LAMA2: variants seen among roughly 807,000 people sequenced by gnomAD.
LAMA2 encodes the protein laminin subunit alpha-2.
Under a neutral mutation model 364.8 loss-of-function variants are expected in LAMA2, and 269 were observed. The observed-to-expected ratio is 0.74, with a 90% CI of 0.67 to 0.82. The LOEUF (loss-of-function observed/expected upper bound fraction) is 0.82. Ranked by LOEUF, LAMA2 falls within the 40% of genes least tolerant of loss-of-function variation. The pLI is 0.00. For missense variants in LAMA2, 3,807 were observed against 3,873.2 expected, an observed-to-expected ratio of 0.98 and a Z score of 0.45; for synonymous variants, 1,379 against 1,370.6, an observed-to-expected ratio of 1.01 and a Z score of -0.14.
chr6:129,226,320 T>A (rs1238438654), intron 12 of LAMA2, among the ~76,000 whole-genome samples: 2 of 152,116 alleles, frequency 1.3e-5, no homozygotes, highest in African/African-American at 4.8e-5. Flanking sequence ...AATTAGAGCA[T>A]TTAGCCCATT....
chr6:129,213,686 T>A (rs1426036081), intron 12 of LAMA2, among the ~76,000 whole-genome samples: 1 of 152,216 alleles, frequency 6.6e-6, no homozygotes, highest in African/African-American at 2.4e-5. Flanking sequence ...TGCTGAGGTA[T>A]CTGTTTAGAT....
chr6:129,419,544 A>G (rs1051496938), intron 40 of LAMA2, among the ~76,000 whole-genome samples: 1 of 152,156 alleles, frequency 6.6e-6, no homozygotes, highest in African/African-American at 2.4e-5. Flanking sequence ...AGTGGTACAC[A>G]TAGGTACTGA....
At chr6:129,021,217 A>G (rs75177929) in intron 1 of LAMA2, among the ~76,000 whole-genome samples, 2,352 of 152,274 alleles carry the variant, frequency 0.015, 74 homozygotes, top group African/African-American at 0.054. Context: ...GCCAAATTAC[A>G]ATATCTTATG....
intron 61 of LAMA2, among the ~76,000 whole-genome samples, chr6:129,506,721 A>G (rs528074603): frequency 9.2e-5 from 14 of 152,272 alleles, no homozygotes; most frequent in Admixed American, 7.8e-4. Context: ...ATGATAATGT[A>G]GATTTGTTCA....
intron 30 of LAMA2, among the ~76,000 whole-genome samples, chr6:129,347,525 A>T (rs1412274873): frequency 9.9e-5 from 15 of 152,180 alleles, no homozygotes; most frequent in Admixed American, 9.8e-4. Flanking sequence ...AAAAACCAGA[A>T]GGAAATGGTT....
intron 58 of LAMA2, among the ~76,000 whole-genome samples, chr6:129,502,447 T>A (rs1785719067): frequency 6.6e-6 from 1 of 152,242 alleles, no homozygotes; most frequent in African/African-American, 2.4e-5. Context: ...CACATTCCTT[T>A]AGCCATTCCA....
At chr6:128,886,230 T>C (rs146700656) in intron 1 of LAMA2, among the ~76,000 whole-genome samples, 1 of 152,090 alleles carries the variant, frequency 6.6e-6, no homozygotes, top group African/African-American at 2.4e-5. Context: ...ATTTTAAAGG[T>C]CTCTATAGCC....
chr6:128,902,940 T>C (rs1777181444), intron 1 of LAMA2, among the ~76,000 whole-genome samples: 1 of 152,192 alleles, frequency 6.6e-6, no homozygotes, highest in Non-Finnish European at 1.5e-5. Flanking sequence ...CTTTAAAGTG[T>C]TTAACTCATT....
At chr6:129,345,777 C>T (rs1483444825) in intron 30 of LAMA2, among the ~76,000 whole-genome samples, 1 of 152,000 alleles carries the variant, frequency 6.6e-6, no homozygotes, top group African/African-American at 2.4e-5. Context: ...TTAGCCAAAA[C>T]CTACTCAATG....
chr6:129,249,472 TAGAA>T (rs952074539), intron 12 of LAMA2, among the ~76,000 whole-genome samples: 1 of 152,198 alleles, frequency 6.6e-6, no homozygotes, highest in Non-Finnish European at 1.5e-5. Flanking sequence ...GCATGTATAT[TAGAA>T]AGAAAGAAGT....
intron 6 of LAMA2, 106 bp downstream of exon 6, chr6:129,147,154 C>A (rs940273643): frequency 9.0e-6 from 7 of 778,736 alleles, no homozygotes; most frequent in Non-Finnish European, 1.6e-5. Flanking sequence ...GTCAGGTCCC[C>A]ACTTAGACAG....
At chr6:129,209,014 A>G (rs1013292423) in intron 12 of LAMA2, among the ~76,000 whole-genome samples, 4 of 152,190 alleles carry the variant, frequency 2.6e-5, no homozygotes, top group African/African-American at 9.7e-5. Context: ...TAAGTCATTT[A>G]TAATGAAATG....
chr6:129,500,516 C>T (rs56387145), intron 58 of LAMA2, among the ~76,000 whole-genome samples: 3,960 of 152,254 alleles, frequency 0.026, 167 homozygotes, highest in African/African-American at 0.087. Context: ...GTTGCAGAAA[C>T]GGAGGATCTA....
chr6:129,292,324 C>T (rs759407282), intron 20 of LAMA2, among the ~76,000 whole-genome samples: 2 of 152,092 alleles, frequency 1.3e-5, no homozygotes, highest in Admixed American at 6.5e-5. Context: ...CCAGCCTGGG[C>T]GACCGAGTGA....
intron 12 of LAMA2, among the ~76,000 whole-genome samples, chr6:129,209,395 A>G (rs1782933054): frequency 6.6e-6 from 1 of 152,188 alleles, no homozygotes; most frequent in African/African-American, 2.4e-5. Flanking sequence ...GGCTTAACAC[A>G]AGAAATAATT....
At chr6:129,248,889 G>A (rs770504180) in intron 12 of LAMA2, among the ~76,000 whole-genome samples, 1 of 152,144 alleles carries the variant, frequency 6.6e-6, no homozygotes, top group Non-Finnish European at 1.5e-5. Flanking sequence ...GCCAAGTGCT[G>A]TAGTCCAGGC....
intron 58 of LAMA2, among the ~76,000 whole-genome samples, chr6:129,496,648 G>A (rs919698985): frequency 1.3e-5 from 2 of 152,114 alleles, no homozygotes; most frequent in African/African-American, 4.8e-5. Context: ...GGGGGAAAAG[G>A]GTGTCTTCTT....
chr6:129,302,178 C>G (rs1469963533), intron 22 of LAMA2, among the ~76,000 whole-genome samples: 1 of 152,090 alleles, frequency 6.6e-6, no homozygotes, highest in African/African-American at 2.4e-5. Flanking sequence ...CACTCCACAT[C>G]TTTGCCAACT....
intron 61 of LAMA2, 46 bp downstream of exon 61, chr6:129,505,401 C>G (rs1562632074): frequency 2.7e-6 from 4 of 1,489,134 alleles, no homozygotes; most frequent in East Asian, 2.3e-5. Context: ...ATGGCTGATT[C>G]ATTTATTGAT....
Sources: allele counts gnomAD v4.1 joint callset (sites outside exome capture counted in the v4.1 genomes callset), GRCh38; gene constraint gnomAD v4.1.1; transcripts MANE v1.5; gene names NCBI Gene and HGNC (gene_info 2026-07-23, HGNC 2026-07-21).